UBE2D1: variants seen among roughly 807,000 people sequenced by gnomAD.
UBE2D1 encodes the protein ubiquitin conjugating enzyme E2 D1, also known as ubiquitin-conjugating enzyme E2 D1.
Under a neutral mutation model 24.6 loss-of-function variants are expected in UBE2D1, and 9 were observed. That is an observed-to-expected ratio of 0.37 (90% CI 0.22 to 0.64). The LOEUF (loss-of-function observed/expected upper bound fraction) is 0.64. Ranked by LOEUF, UBE2D1 falls within the 30% of genes least tolerant of loss-of-function variation. The pLI is 0.64. For missense variants in UBE2D1, 87 were observed against 177.1 expected, an observed-to-expected ratio of 0.49 and a Z score of 2.89; for synonymous variants, 57 against 57.6, an observed-to-expected ratio of 0.99 and a Z score of 0.04.
intron 3 of UBE2D1, among the ~76,000 whole-genome samples, chr10:58,363,026 T>G (rs1177491542): frequency 6.6e-6 from 1 of 152,126 alleles, no homozygotes; most frequent in Non-Finnish European, 1.5e-5. Context: ...AGCATGAATA[T>G]ATAATTTTGT....
chr10:58,361,795 CT>C (rs770860227), intron 3 of UBE2D1, among the ~76,000 whole-genome samples: 1,436 of 131,270 alleles, frequency 0.011, 8 homozygotes, highest in African/African-American at 0.024. Context: ...GTGTGTTTAT[CT>C]TTTTTTTTTT....
intron 1 of UBE2D1, among the ~76,000 whole-genome samples, chr10:58,345,740 G>A (rs117692270): frequency 2.8e-4 from 42 of 152,222 alleles, no homozygotes; most frequent in Non-Finnish European, 5.3e-4. Flanking sequence ...TGGAGAAGAT[G>A]GAATTTGATA....
At chr10:58,360,164 C>T (rs1840178498) in intron 1 of UBE2D1, among the ~76,000 whole-genome samples, 1 of 152,218 alleles carries the variant, frequency 6.6e-6, no homozygotes. Flanking sequence ...GCCTCATCCT[C>T]TGCCACTCTG....
chr10:58,337,466 A>G (rs1348422243), intron 1 of UBE2D1, among the ~76,000 whole-genome samples: 6 of 152,156 alleles, frequency 3.9e-5, no homozygotes, highest in African/African-American at 1.2e-4. Context: ...TGTCATCAGT[A>G]TAGAATTCTT....
At chr10:58,364,281 T>C (rs1418854404) in intron 4 of UBE2D1, among the ~76,000 whole-genome samples, 1 of 152,184 alleles carries the variant, frequency 6.6e-6, no homozygotes, top group African/African-American at 2.4e-5. Flanking sequence ...ACATTGTATT[T>C]ATGAAATGGT....
chr10:58,363,776 T>C (rs1840225621), intron 4 of UBE2D1, 90 bp downstream of exon 4: 2 of 954,050 alleles, frequency 2.1e-6, no homozygotes, highest in Non-Finnish European at 3.1e-6. Context: ...GCTCATTTGA[T>C]ATGTCAAAGA....
intron 1 of UBE2D1, among the ~76,000 whole-genome samples, chr10:58,348,725 C>T (rs926236763): frequency 1.6e-4 from 25 of 152,222 alleles, no homozygotes; most frequent in Admixed American, 5.2e-4. Context: ...TACTGCATTG[C>T]GTCATATTAA....
chr10:58,364,855 C>A lies in UBE2D1; in HGVS notation c.283C>A (p.Pro95Thr). ...CGATATTCTGAGGTCACAATGGTCA[C>A]CAGCTCTGACTGTATCAAAAGGTAA... Reference protein sequence around the residue: ...CLDILRSQWSPALTVSKVLLS... With the variant: ...CLDILRSQWSTALTVSKVLLS... The change falls in exon 5 of 7, where the codon CCA becomes ACA. Residue 95 changes from proline (P) to threonine (T), a missense_variant. Transcript: ENST00000373910. 1 of 1,613,152 alleles carries A rather than the reference C, an allele frequency of 6.2e-7. No homozygotes were observed. Among genetic ancestry groups the A allele is most frequent in the Non-Finnish European group, 8.5e-7 (1 of 1,179,330 alleles).
chr10:58,346,291 C>T lies in UBE2D1; in HGVS notation c.24+11066C>T, dbSNP rs568553541. On this transcript the variant is annotated intron_variant, in intron 1 of 6. Coordinates refer to ENST00000373910, the MANE Select transcript of UBE2D1 (RefSeq NM_003338.5). ...ACTCCCGAAGTGCTGGGATTACAGG[C>T]GTGAGCCACCATACCCGGCCGGAAT... Among the ~76,000 whole-genome samples the T allele has an allele frequency of 4.7e-4, 72 of 152,260 alleles. No homozygotes were observed. In the South Asian group the frequency reaches 6.2e-3, roughly 13 times the overall value.
Position 58,335,241 on chromosome 10 carries a change from G to C in UBE2D1, c.24+16G>C, listed in dbSNP as rs1314397565. 1.3e-6 allele frequency: 2 copies of C among 1,529,400 alleles called. No homozygotes were observed. 94.7% of individuals were successfully genotyped at this position (1,529,400 alleles called of 1,614,324 possible). ...GATTCAGAAAGTGAGTGCCGGGGCC[G>C]GGCCTGGGGCTGCGGGGCAGCGGCC... is the stretch of plus-strand genomic sequence containing the variant. On this transcript the variant is annotated intron_variant, in intron 1 of 6. Coordinates refer to ENST00000373910, the MANE Select transcript of UBE2D1 (RefSeq NM_003338.5).
At chr10:58,358,258 T>C (rs1192824989) in intron 1 of UBE2D1, among the ~76,000 whole-genome samples, 1 of 152,222 alleles carries the variant, frequency 6.6e-6, no homozygotes, top group Non-Finnish European at 1.5e-5. Context: ...CTACAGAGAC[T>C]ATCATTTTCT....
chr10:58,364,092 G>A (rs2132332362), intron 4 of UBE2D1, among the ~76,000 whole-genome samples: 1 of 151,706 alleles, frequency 6.6e-6, no homozygotes, highest in African/African-American at 2.4e-5. Flanking sequence ...TTCTACACTG[G>A]GGAATCCGAA....
intron 1 of UBE2D1, among the ~76,000 whole-genome samples, chr10:58,356,682 C>T (rs957926420): frequency 6.6e-6 from 1 of 152,120 alleles, no homozygotes; most frequent in Non-Finnish European, 1.5e-5. Flanking sequence ...ACTTATCCTC[C>T]CTCCAACAGT....
chr10:58,367,850 A>G, intron 5 of UBE2D1, 73 bp from the exon 6 acceptor site: 2 of 1,019,526 alleles, frequency 2.0e-6, no homozygotes, highest in Non-Finnish European at 3.0e-6. Flanking sequence ...ATTCACTAAA[A>G]TTATTTTCAC....
chr10:58,347,711 A>G (rs1165824832), intron 1 of UBE2D1, among the ~76,000 whole-genome samples: 1 of 146,288 alleles, frequency 6.8e-6, no homozygotes, highest in Non-Finnish European at 1.5e-5. Context: ...GCAATGGCAC[A>G]ATCTCGGCTT....
intron 1 of UBE2D1, among the ~76,000 whole-genome samples, chr10:58,348,740 T>C (rs1033576520): frequency 6.6e-6 from 1 of 152,230 alleles, no homozygotes; most frequent in Non-Finnish European, 1.5e-5. Flanking sequence ...TATTAAGTTT[T>C]ATGGTAAATA....
At chr10:58,355,603 T>C (rs1840123258) in intron 1 of UBE2D1, among the ~76,000 whole-genome samples, 1 of 152,162 alleles carries the variant, frequency 6.6e-6, no homozygotes, top group South Asian at 2.1e-4. Context: ...TTAACAGGCA[T>C]GGGGAGTACA....
chr10:58,348,169 G>GT (rs1241218215), intron 1 of UBE2D1, among the ~76,000 whole-genome samples: 7 of 152,216 alleles, frequency 4.6e-5, no homozygotes, highest in African/African-American at 1.7e-4. Context: ...TTAATTGGAT[G>GT]TGTCAGCATT....
chr10:58,350,773 A>G (rs971273387), intron 1 of UBE2D1, among the ~76,000 whole-genome samples: 2 of 152,186 alleles, frequency 1.3e-5, no homozygotes, highest in African/African-American at 4.8e-5. Flanking sequence ...GTGTAATGAC[A>G]GGGATAATTT....
Sources: allele counts gnomAD v4.1 joint callset (sites outside exome capture counted in the v4.1 genomes callset), GRCh38; gene constraint gnomAD v4.1.1; transcripts MANE v1.5; gene names NCBI Gene and HGNC (gene_info 2026-07-23, HGNC 2026-07-21).